Variants in ZNF652 observed in about 807,000 individuals in gnomAD.
ZNF652 encodes the protein zinc finger protein 652.
Under a neutral mutation model 45.2 loss-of-function variants are expected in ZNF652, and 16 were observed. The observed-to-expected ratio is 0.35, with a 90% CI of 0.24 to 0.54. The LOEUF (loss-of-function observed/expected upper bound fraction) is 0.54. Ranked by LOEUF, ZNF652 falls within the 20% of genes least tolerant of loss-of-function variation. The pLI, the probability that ZNF652 is intolerant of heterozygous loss-of-function variation, is 0.91. For missense variants in ZNF652, 614 were observed against 765.6 expected (o/e 0.80, Z 2.34); for synonymous variants, 250 against 260.6 (o/e 0.96, Z 0.39).
chr17:49,339,570 G>A (rs1018621660), intron 1 of ZNF652, among the ~76,000 whole-genome samples: 2 of 152,066 alleles, frequency 1.3e-5, no homozygotes, highest in African/African-American at 4.8e-5. Context: ...CTATCAATGG[G>A]CAGACAGCGA....
intron 1 of ZNF652, among the ~76,000 whole-genome samples, chr17:49,334,231 A>G (rs960473989): frequency 1.1e-4 from 16 of 152,226 alleles, no homozygotes; most frequent in African/African-American, 3.9e-4. Context: ...CTGTAATCCC[A>G]GCACTTTGGG....
intron 1 of ZNF652, among the ~76,000 whole-genome samples, chr17:49,335,072 A>C (rs1408534915): frequency 6.6e-6 from 1 of 152,158 alleles, no homozygotes; most frequent in Non-Finnish European, 1.5e-5. Flanking sequence ...TTGTGAATAT[A>C]CCAAAAACTG....
intron 1 of ZNF652, among the ~76,000 whole-genome samples, chr17:49,321,420 C>G (rs1023625901): frequency 3.8e-5 from 5 of 133,264 alleles, no homozygotes; most frequent in African/African-American, 8.6e-5. Flanking sequence ...CCCACCACCA[C>G]GCTTTTTTTT....
chr17:49,355,517 C>T (rs28483960), intron 1 of ZNF652, among the ~76,000 whole-genome samples: 64,788 of 151,898 alleles, frequency 0.43, 14,161 homozygotes, highest in East Asian at 0.48. Context: ...GTGAAAGCTG[C>T]AGTGAGCCAA....
In ZNF652 at chr17:49,294,843, G is replaced by C. The variant is rs1328682215; in HGVS notation, c.*3570C>G. On this transcript the variant is annotated 3_prime_UTR_variant, in exon 6 of 6. Transcript: ENST00000430262. ...TCTTTAACAGACATGTACAGATAAG[G>C]GCTGAGAACTCAAACTTCTCCATAA... is the stretch of plus-strand genomic sequence containing the variant. The C allele has an allele frequency of 6.6e-6, 1 of 152,074 alleles. No homozygotes were observed. The highest frequency in any genetic ancestry group is 6.6e-5 in the Admixed American group (1 of 15,260). The allele number at this position is 152,074 out of a possible 1,614,324, so 9.4% of individuals were successfully genotyped here.
intron 1 of ZNF652, among the ~76,000 whole-genome samples, chr17:49,347,662 A>C (rs950935689): frequency 1.3e-5 from 2 of 151,774 alleles, no homozygotes; most frequent in African/African-American, 2.4e-5. Flanking sequence ...ACCAGCTTTT[A>C]TATCTCCTAG....
chr17:49,307,612 C>A (rs113056032), intron 5 of ZNF652, among the ~76,000 whole-genome samples: 1 of 147,262 alleles, frequency 6.8e-6, no homozygotes, highest in Non-Finnish European at 1.5e-5. Flanking sequence ...ATAGGCTGGG[C>A]GTGGCAGCAT....
intron 1 of ZNF652, among the ~76,000 whole-genome samples, chr17:49,320,009 C>T (rs532535142): frequency 1.3e-5 from 2 of 152,196 alleles, no homozygotes; most frequent in African/African-American, 4.8e-5. Flanking sequence ...CCATTTAATT[C>T]TATATTTCTA....
chr17:49,320,932 C>T (rs2069882318), intron 1 of ZNF652, among the ~76,000 whole-genome samples: 4 of 149,856 alleles, frequency 2.7e-5, no homozygotes, highest in African/African-American at 1.0e-4. Flanking sequence ...CTCACTGCAA[C>T]CACGCCTCTT....
chr17:49,317,736 C>T lies in ZNF652; in HGVS notation c.-11G>A. On this transcript the variant is annotated 5_prime_UTR_variant, in exon 2 of 6. Transcript: ENST00000430262. ...GGCTGTGTGGCTCATTGGTAAGTGG[C>T]CCAATTTATTAAACAGTTCAGACTA... The T allele has an allele frequency of 6.4e-7, 1 of 1,563,338 alleles. No individual in the cohort carries two copies. The highest frequency in any genetic ancestry group is 2.3e-5 in the East Asian group (1 of 44,148).
chr17:49,356,496 A>G (rs538357710), intron 1 of ZNF652, among the ~76,000 whole-genome samples: 69 of 152,034 alleles, frequency 4.5e-4, no homozygotes, highest in African/African-American at 1.5e-3. Context: ...TCACAAAGAA[A>G]AAGTTCACTT....
intron 1 of ZNF652, among the ~76,000 whole-genome samples, chr17:49,337,986 T>C (rs1371426782): frequency 1.3e-5 from 2 of 152,080 alleles, no homozygotes; most frequent in Non-Finnish European, 2.9e-5. Context: ...GATTGCCAAA[T>C]ACAACAATTT....
chr17:49,299,897 G>A (rs1598280939), intron 5 of ZNF652, among the ~76,000 whole-genome samples: 1 of 151,008 alleles, frequency 6.6e-6, no homozygotes, highest in South Asian at 2.1e-4. Context: ...TTTTGCCCAG[G>A]CTGGTCTTGA....
chr17:49,328,781 C>T (rs574313723), intron 1 of ZNF652, among the ~76,000 whole-genome samples: 51 of 152,332 alleles, frequency 3.3e-4, no homozygotes, highest in African/African-American at 1.2e-3. Context: ...TTACAAATTA[C>T]CCAGCCTCAG....
chr17:49,356,429 CAAAAA>C (rs35374808), intron 1 of ZNF652, among the ~76,000 whole-genome samples: 51 of 42,348 alleles, frequency 1.2e-3, no homozygotes, highest in Middle Eastern at 0.022. Flanking sequence ...ACTCTGTCTG[CAAAAA>C]AAAAAAAAAA....
At chr17:49,350,516 G>A (rs1019281909) in intron 1 of ZNF652, among the ~76,000 whole-genome samples, 2 of 148,530 alleles carry the variant, frequency 1.3e-5, no homozygotes, top group African/African-American at 2.5e-5. Context: ...TCCAGCTCAG[G>A]TGACAGAGAT....
chr17:49,289,060 T>C (rs953413489), downstream of ZNF652: 2 of 152,158 alleles, frequency 1.3e-5, no homozygotes, highest in South Asian at 4.1e-4. Context: ...GGTCAGCCTA[T>C]TACCATCACT....
chr17:49,319,607 T>C (rs1598297935), intron 1 of ZNF652, among the ~76,000 whole-genome samples: 2 of 123,598 alleles, frequency 1.6e-5, no homozygotes. Context: ...CACTCCAGCC[T>C]GGCGACAGAG....
Position 49,311,346 on chromosome 17 carries a change from CTT to C in ZNF652, c.1273_1274del (p.Lys425AlafsTer19). ...TTTTCATGTGTTCGTCGAAGTACTG[CTT>C]CATGTTGAAATCCTTGCCACACCAC... is the stretch of plus-strand genomic sequence containing the variant. ...CQWCGKDFNM[K>X]QYFDEHMKTH... On this transcript the variant is annotated frameshift_variant, in exon 5 of 6. Transcript: ENST00000430262. LOFTEE classifies it high-confidence loss of function. 6.2e-7 allele frequency: 1 copy of C among 1,614,126 alleles called. No homozygotes were observed. The highest frequency in any genetic ancestry group is 8.5e-7 in the Non-Finnish European group (1 of 1,180,010).
Sources: gnomAD v4.1 joint callset for allele counts (sites outside exome capture counted in the v4.1 genomes callset) on GRCh38, gnomAD v4.1.1 for gene constraint, MANE v1.5 for transcripts, NCBI Gene and HGNC (gene_info 2026-07-23, HGNC 2026-07-21) for gene names.